The following CTPS1 variants were observed in gnomAD, a reference collection of about 807,000 sequenced individuals.
The protein encoded by CTPS1 is CTP synthase 1, also known as CTP synthetase 1.
In CTPS1, 25 loss-of-function variants were observed where a neutral mutation model predicts 80.5. The observed-to-expected ratio is 0.31, with a 90% CI of 0.23 to 0.43. The LOEUF (loss-of-function observed/expected upper bound fraction) is 0.43. CTPS1 is among the 20% of genes least tolerant of loss of function. The pLI, the probability that CTPS1 is intolerant of heterozygous loss-of-function variation, is 1.00. For synonymous variants in CTPS1, 267 were observed against 252.5 expected, an observed-to-expected ratio of 1.06 and a Z score of -0.54; for missense variants, 442 against 725.7, an observed-to-expected ratio of 0.61 and a Z score of 4.49.
intron 9 of CTPS1, among the ~76,000 whole-genome samples, chr1:40,999,956 C>T (rs774848894): frequency 6.6e-6 from 1 of 152,066 alleles, no homozygotes; most frequent in Non-Finnish European, 1.5e-5. Context: ...TCGAGAGCAG[C>T]CTGGTCAACA....
At chr1:40,982,537 G>GCGC (rs1466372032) in intron 1 of CTPS1, among the ~76,000 whole-genome samples, 1 of 152,076 alleles carries the variant, frequency 6.6e-6, no homozygotes, top group African/African-American at 2.4e-5. Flanking sequence ...CTACAGGCGT[G>GCGC]CGCCATCACA....
intron 2 of CTPS1, among the ~76,000 whole-genome samples, chr1:40,983,719 CTCAAGCGA>C (rs1369082651): frequency 6.0e-5 from 9 of 151,252 alleles, no homozygotes; most frequent in African/African-American, 1.9e-4. Context: ...ACCTCCTTGG[CTCAAGCGA>C]TCCTCTCACC....
chr1:41,006,188 G>T, intron 13 of CTPS1, 94 bp downstream of exon 13: 3 of 1,058,950 alleles, frequency 2.8e-6, no homozygotes, highest in South Asian at 1.3e-5. Flanking sequence ...AAGTGAGACT[G>T]CTTGAGTCCA....
Position 41,001,024 on chromosome 1 carries a change from T to C in CTPS1, c.1006-5T>C. On this transcript the variant is annotated splice_polypyrimidine_tract_variant and splice_region_variant and intron_variant, in intron 9 of 18. Coordinates refer to ENST00000650070, the MANE Select transcript of CTPS1 (RefSeq NM_001905.4). ...GCTTTTCTCCCCTGTCTGAATAACATCCAGTACATAGATTCTGCGGACTTG... is the reference window on the plus strand; with the variant it reads ...GCTTTTCTCCCCTGTCTGAATAACACCCAGTACATAGATTCTGCGGACTTG... 4 of 1,604,196 alleles carry C rather than the reference T, an allele frequency of 2.5e-6. No homozygotes were observed. Among genetic ancestry groups the C allele is most frequent in the Non-Finnish European group, 3.4e-6 (4 of 1,176,512 alleles).
intron 8 of CTPS1, among the ~76,000 whole-genome samples, chr1:40,996,945 T>A (rs959612433): frequency 7.9e-5 from 12 of 152,132 alleles, no homozygotes; most frequent in African/African-American, 2.9e-4. Flanking sequence ...ATGAAAAAAA[T>A]TTTTTGTAGG....
intron 12 of CTPS1, chr1:41,004,398 G>A (rs939189525): frequency 2.0e-5 from 3 of 152,310 alleles, no homozygotes; most frequent in African/African-American, 7.2e-5. Flanking sequence ...ATGCCCTTGA[G>A]TGCTGGCTTC....
chr1:40,984,104 A>G (rs556449049), intron 2 of CTPS1, among the ~76,000 whole-genome samples: 1 of 152,358 alleles, frequency 6.6e-6, no homozygotes, highest in African/African-American at 2.4e-5. Flanking sequence ...TAGTGCAGAA[A>G]TCCTCGTAAC....
intron 2 of CTPS1, 68 bp downstream of exon 2, chr1:40,983,524 G>A: frequency 7.6e-7 from 1 of 1,317,946 alleles, no homozygotes; most frequent in Non-Finnish European, 1.0e-6. Context: ...GGAATTATGT[G>A]CACGGTTTGC....
rs762527536 is a variant in CTPS1, at chr1:40,988,725, G to C, written c.555+15G>C. The C allele has an allele frequency of 6.4e-7, 1 of 1,556,308 alleles. No homozygotes were observed. The highest frequency in any genetic ancestry group is 1.1e-5 in the South Asian group (1 of 89,614). On this transcript the variant is annotated intron_variant, in intron 5 of 18. Transcript: ENST00000650070. Reference sequence around the variant, plus strand: ...TAGTTCCCCAGGTAAGTAAGACATTGAAAGTTTTACTTTGGGGGAGATGGA... The same window carrying C: ...TAGTTCCCCAGGTAAGTAAGACATTCAAAGTTTTACTTTGGGGGAGATGGA...
intron 3 of CTPS1, 67 bp downstream of exon 3, chr1:40,985,058 C>G: frequency 8.8e-7 from 1 of 1,141,490 alleles, no homozygotes; most frequent in Non-Finnish European, 1.2e-6. Flanking sequence ...CCTCCCACCT[C>G]TACACAGATG....
intron 11 of CTPS1, 108 bp from the exon 12 acceptor site, chr1:41,003,006 T>C (rs537996352): frequency 9.4e-7 from 1 of 1,068,432 alleles, no homozygotes; most frequent in African/African-American, 1.6e-5. Flanking sequence ...GAGTTTGCAA[T>C]TATAATTCTC....
At chr1:40,982,498 T>C (rs1046196202) in intron 1 of CTPS1, among the ~76,000 whole-genome samples, 2 of 152,118 alleles carry the variant, frequency 1.3e-5, no homozygotes, top group Non-Finnish European at 2.9e-5. Flanking sequence ...CAAGCGATTC[T>C]CCTGCCTCAG....
At chr1:41,002,050 A>G (rs1642916547) in intron 10 of CTPS1, 110 bp from the exon 11 acceptor site, 4 of 888,690 alleles carry the variant, frequency 4.5e-6, no homozygotes, top group Non-Finnish European at 7.6e-6. Context: ...AGCACAATGT[A>G]TGGGGTTAAT....
chr1:41,010,366 G>A (rs1643141669), intron 18 of CTPS1, 112 bp downstream of exon 18: 2 of 715,896 alleles, frequency 2.8e-6, no homozygotes, highest in South Asian at 1.7e-5. Context: ...AGGAATGAAA[G>A]TGGTGAGGTC....
chr1:41,004,558 CTG>C (rs1642984891), intron 12 of CTPS1, among the ~76,000 whole-genome samples: 1 of 152,192 alleles, frequency 6.6e-6, no homozygotes, highest in Non-Finnish European at 1.5e-5. Flanking sequence ...TCAGTTGAGA[CTG>C]GACCCTGGTT....
intron 6 of CTPS1, 124 bp from the exon 7 acceptor site, chr1:40,991,641 G>A: frequency 1.5e-6 from 1 of 649,492 alleles, no homozygotes; most frequent in East Asian, 2.8e-5. Flanking sequence ...TATGTGCCTG[G>A]TGCTGAGAGT....
At chr1:40,997,678 C>G in intron 9 of CTPS1, 152 bp downstream of exon 9, 1 of 1,007,462 alleles carries the variant, frequency 9.9e-7, no homozygotes, top group South Asian at 1.9e-5. Context: ...GTGGTTGCTT[C>G]GTGGCTTTGA....
intron 9 of CTPS1, 124 bp from the exon 10 acceptor site, chr1:41,000,905 T>G: frequency 1.8e-6 from 1 of 545,782 alleles, no homozygotes; most frequent in East Asian, 3.4e-5. Context: ...AGTATTAAGA[T>G]GATCACTTTA....
chr1:41,007,363 G>A lies in CTPS1; in HGVS notation c.1297-86G>A. ...CTGGAGAATTAGAGCTTACTTACAAGCCTTTGCCACCCACTCAGCGAGGGA... is the reference window on the plus strand; with the variant it reads ...CTGGAGAATTAGAGCTTACTTACAAACCTTTGCCACCCACTCAGCGAGGGA... On this transcript the variant is annotated intron_variant, in intron 13 of 18. Coordinates refer to ENST00000650070, the MANE Select transcript of CTPS1 (RefSeq NM_001905.4). The surrounding 1 kb of genome is among the most constrained non-coding windows in gnomAD (Gnocchi z 4.4). 8.9e-7 allele frequency: 1 copy of A among 1,117,568 alleles called. No homozygotes were observed. The highest frequency in any genetic ancestry group is 1.3e-5 in the South Asian group (1 of 78,540). 69.2% of individuals were successfully genotyped at this position (1,117,568 alleles called of 1,614,324 possible).
Sources: gnomAD v4.1 joint callset for allele counts (sites outside exome capture counted in the v4.1 genomes callset) on GRCh38, gnomAD v4.1.1 for gene constraint, Gnocchi (gnomAD v3.1) non-coding constraint, MANE v1.5 for transcripts, NCBI Gene and HGNC (gene_info 2026-07-23, HGNC 2026-07-21) for gene names.